The following SGCG variants were observed in gnomAD, a reference collection of about 807,000 sequenced individuals.
SGCG encodes gamma-sarcoglycan.
A neutral mutation model predicts 29.3 loss-of-function variants in SGCG; 26 were observed. That is an observed-to-expected ratio of 0.89 (90% CI 0.65 to 1.23). The LOEUF is 1.23. Among genes scored for constraint, SGCG ranks in the 50% most tolerant of loss-of-function variants. The pLI is 0.00. For missense variants in SGCG, 353 were observed against 356.0 expected, an observed-to-expected ratio of 0.99 and a Z score of 0.07; for synonymous variants, 145 against 129.7, an observed-to-expected ratio of 1.12 and a Z score of -0.80.
intron 1 of SGCG, among the ~76,000 whole-genome samples, chr13:23,186,181 A>G (rs959419973): frequency 2.6e-5 from 4 of 151,962 alleles, no homozygotes; most frequent in Middle Eastern, 3.2e-3. Flanking sequence ...CTGACATTCA[A>G]CTCTGAAGGG....
intron 4 of SGCG, among the ~76,000 whole-genome samples, chr13:23,277,021 C>A (rs1399017417): frequency 1.3e-5 from 2 of 152,210 alleles, no homozygotes; most frequent in African/African-American, 4.8e-5. Flanking sequence ...TGGAACCATT[C>A]ACTTTCCTGC....
Position 23,222,329 on chromosome 13 carries a change from T to C in SGCG, c.196-12282T>C, listed in dbSNP as rs79619092. Among the ~76,000 whole-genome samples the C allele has an allele frequency of 3.3e-3, 503 of 152,334 alleles. 2 individuals are homozygous for C. Among genetic ancestry groups the C allele is most frequent in the African/African-American group, 0.011 (474 of 41,570 alleles). On this transcript the variant is annotated intron_variant, in intron 2 of 7. Coordinates refer to ENST00000218867, the MANE Select transcript of SGCG (RefSeq NM_000231.3). Reference sequence around the variant, plus strand: ...TTTTCTGTGCCCTCTTTAAGAAATGTTTGCCTTCTTCACAGACATGCAGAT... The same window carrying C: ...TTTTCTGTGCCCTCTTTAAGAAATGCTTGCCTTCTTCACAGACATGCAGAT...
chr13:23,214,515 C>T (rs980815092), intron 2 of SGCG, among the ~76,000 whole-genome samples: 26 of 152,308 alleles, frequency 1.7e-4, no homozygotes, highest in African/African-American at 5.8e-4. Flanking sequence ...GCCTATTTGA[C>T]ATTCTTGGTG....
intron 5 of SGCG, among the ~76,000 whole-genome samples, chr13:23,290,980 C>T (rs1593091958): frequency 1.3e-5 from 2 of 152,152 alleles, no homozygotes; most frequent in African/African-American, 4.8e-5. Flanking sequence ...GCCTTCATGA[C>T]CGTCTCAATC....
At chr13:23,208,959 G>T (rs913547441) in intron 2 of SGCG, among the ~76,000 whole-genome samples, 1 of 151,942 alleles carries the variant, frequency 6.6e-6, no homozygotes, top group Non-Finnish European at 1.5e-5. Flanking sequence ...TTTTTTAGAA[G>T]ACCTTTAGAG....
intron 4 of SGCG, among the ~76,000 whole-genome samples, chr13:23,270,269 G>C (rs1880820335): frequency 6.6e-6 from 1 of 152,178 alleles, no homozygotes; most frequent in African/African-American, 2.4e-5. Flanking sequence ...TTATCAAATT[G>C]TGCTCTAGAA....
At chr13:23,285,805 C>A (rs1881475505) in intron 5 of SGCG, among the ~76,000 whole-genome samples, 1 of 152,174 alleles carries the variant, frequency 6.6e-6, no homozygotes, top group Admixed American at 6.5e-5. Context: ...AGTGTCTGGG[C>A]TGAATAGCAC....
chr13:23,197,740 TA>T (rs35103999), intron 1 of SGCG, among the ~76,000 whole-genome samples: 80,526 of 151,908 alleles, frequency 0.53, 21,588 homozygotes, highest in Non-Finnish European at 0.57. Context: ...AAATATATCT[TA>T]ATTGAAGCCC....
intron 2 of SGCG, among the ~76,000 whole-genome samples, chr13:23,230,844 G>C (rs1183150815): frequency 1.3e-5 from 2 of 152,096 alleles, no homozygotes; most frequent in Non-Finnish European, 2.9e-5. Context: ...GGTAAGAGAG[G>C]GCCTCCTTCC....
At chr13:23,211,031 A>G (rs1157159955) in intron 2 of SGCG, among the ~76,000 whole-genome samples, 1 of 152,262 alleles carries the variant, frequency 6.6e-6, no homozygotes, top group Non-Finnish European at 1.5e-5. Flanking sequence ...TGGTAGGGAT[A>G]GCTTAAAATA....
At chr13:23,192,071 A>T (rs997405566) in intron 1 of SGCG, among the ~76,000 whole-genome samples, 1 of 150,516 alleles carries the variant, frequency 6.6e-6, no homozygotes. Context: ...GCTACTCGGG[A>T]GGCTGAGGCT....
chr13:23,288,421 C>T (rs1593090388), intron 5 of SGCG, among the ~76,000 whole-genome samples: 1 of 152,190 alleles, frequency 6.6e-6, no homozygotes, highest in East Asian at 1.9e-4. Flanking sequence ...CTCAAATTGC[C>T]ATTCTTTGAG....
intron 1 of SGCG, among the ~76,000 whole-genome samples, chr13:23,183,342 G>A (rs990569224): frequency 1.3e-5 from 2 of 152,176 alleles, no homozygotes; most frequent in Non-Finnish European, 2.9e-5. Context: ...ACGGTAACTG[G>A]TCAGGAACTT....
Position 23,226,994 on chromosome 13 carries a change from C to A in SGCG, c.196-7617C>A, listed in dbSNP as rs149763546. 4.3e-3 allele frequency among the ~76,000 whole-genome samples: 659 copies of A among 152,204 alleles called. 7 individuals carry two copies. Among genetic ancestry groups the A allele is most frequent in the African/African-American group, 0.015 (634 of 41,520 alleles). ...GAATCATGTCAGTTTTTCTTTTTAT[C>A]TTCACAGTGCATTGTTTTTCTACCT... On this transcript the variant is annotated intron_variant, in intron 2 of 7. Coordinates refer to ENST00000218867, the MANE Select transcript of SGCG (RefSeq NM_000231.3).
At chr13:23,257,248 T>G (rs1390220407) in intron 4 of SGCG, among the ~76,000 whole-genome samples, 2 of 152,150 alleles carry the variant, frequency 1.3e-5, no homozygotes, top group African/African-American at 2.4e-5. Flanking sequence ...GTTTAAGTTC[T>G]TTGTAGATTC....
chr13:23,310,832 A>G (rs189888705), intron 6 of SGCG, among the ~76,000 whole-genome samples: 1 of 152,244 alleles, frequency 6.6e-6, no homozygotes, highest in Admixed American at 6.5e-5. Flanking sequence ...CTACATCAAT[A>G]CCACCTTCTT....
chr13:23,320,137 T>C lies in SGCG; in HGVS notation c.579-500T>C, dbSNP rs190918425. ...CTTAAATCTATCTTTTTTTCTTAAA[T>C]AAATTGGTGTTTTAACTAAAAAACA... On this transcript the variant is annotated intron_variant, in intron 6 of 7. Coordinates refer to ENST00000218867, the MANE Select transcript of SGCG (RefSeq NM_000231.3). Among the ~76,000 whole-genome samples the C allele has an allele frequency of 1.9e-3, 284 of 152,274 alleles. 3 individuals carry two copies. The highest frequency in any genetic ancestry group is 2.7e-3 in the Non-Finnish European group (186 of 68,016).
At chr13:23,198,018 G>A (rs1877581004) in intron 1 of SGCG, among the ~76,000 whole-genome samples, 1 of 152,206 alleles carries the variant, frequency 6.6e-6, no homozygotes, top group Non-Finnish European at 1.5e-5. Flanking sequence ...TGAAAGCAAA[G>A]TGGTGGAAAT....
At chr13:23,309,248 C>A (rs543675967) in intron 6 of SGCG, among the ~76,000 whole-genome samples, 150 of 149,442 alleles carry the variant, frequency 1.0e-3, no homozygotes, top group African/African-American at 3.7e-3. Context: ...ATACATATGC[C>A]GAGAGAGAGA....
Sources: allele counts gnomAD v4.1 joint callset (sites outside exome capture counted in the v4.1 genomes callset), GRCh38; gene constraint gnomAD v4.1.1; transcripts MANE v1.5; gene names NCBI Gene and HGNC (gene_info 2026-07-23, HGNC 2026-07-21).